The following SYT17 variants were observed in gnomAD, a reference collection of about 807,000 sequenced individuals.
The protein encoded by SYT17 is synaptotagmin-17.
Under a neutral mutation model 46.7 loss-of-function variants are expected in SYT17, and 22 were observed. The ratio of observed to expected loss-of-function variants is 0.47; its 90% CI spans 0.34 to 0.67. SYT17 has a LOEUF of 0.67. SYT17 is among the 30% of genes least tolerant of loss of function. The pLI is 0.01. For missense variants in SYT17, 519 were observed against 612.8 expected (o/e 0.85, Z 1.62); for synonymous variants, 251 against 248.4 (o/e 1.01, Z -0.10).
intron 5 of SYT17, among the ~76,000 whole-genome samples, chr16:19,196,939 G>T (rs1332307914): frequency 6.6e-6 from 1 of 152,114 alleles, no homozygotes; most frequent in Non-Finnish European, 1.5e-5. Flanking sequence ...AAACTGCCTG[G>T]AGTTACAAAC....
At position 19,224,802 on chromosome 16, in the gene SYT17, C is replaced by G. The variant is rs1966444889; in HGVS notation, c.1192C>G (p.Gln398Glu). 1 of 1,614,024 alleles carries G rather than the reference C, an allele frequency of 6.2e-7. No individual in the cohort carries two copies. The highest frequency in any genetic ancestry group is 2.2e-5 in the East Asian group (1 of 44,878). Residue 398 changes from glutamine (Q) to glutamate (E), a missense_variant, in exon 7 of 8, where the codon CAA becomes GAA. Gln to Glu is a conservative substitution (Grantham distance 29). Transcript: ENST00000355377. ...YNESFSFKVP[Q>E]EELENASLVF... ...TGAATCCTTCAGCTTCAAAGTTCCC[C>G]AAGAAGAACTGGAAAATGCCAGCCT...
chr16:19,225,645 A>C (rs1282581108), intron 7 of SYT17, among the ~76,000 whole-genome samples: 1 of 151,954 alleles, frequency 6.6e-6, no homozygotes, highest in Non-Finnish European at 1.5e-5. Flanking sequence ...CTGGGGGAGG[A>C]TCTCTTTTCA....
At chr16:19,243,627 T>C (rs950474132) in intron 7 of SYT17, among the ~76,000 whole-genome samples, 10 of 152,064 alleles carry the variant, frequency 6.6e-5, no homozygotes, top group South Asian at 4.2e-4. Context: ...CTGACCAGCC[T>C]GACCAACCTG....
chr16:19,174,930 C>G lies in SYT17; in HGVS notation c.182+1352C>G, dbSNP rs1460519564. Among the ~76,000 whole-genome samples the G allele has an allele frequency of 3.3e-5, 5 of 152,006 alleles. No individual in the cohort carries two copies. The East Asian group carries it at 9.7e-4, about 29-fold the overall frequency. ...CTCAGGATTTCGAGACCAGCCTGGG[C>G]CACATAGTGAGACCCCCCCCATGCC... On this transcript the variant is annotated intron_variant, in intron 3 of 7. Coordinates refer to ENST00000355377, the MANE Select transcript of SYT17 (RefSeq NM_016524.4).
intron 5 of SYT17, among the ~76,000 whole-genome samples, chr16:19,209,341 A>G (rs994651979): frequency 6.6e-6 from 1 of 152,206 alleles, no homozygotes; most frequent in Admixed American, 6.5e-5. Context: ...CAAATACACA[A>G]TGATCAAAAA....
chr16:19,191,370 C>G (rs915255322), intron 5 of SYT17, among the ~76,000 whole-genome samples: 1 of 152,168 alleles, frequency 6.6e-6, no homozygotes, highest in Non-Finnish European at 1.5e-5. Flanking sequence ...GATTAGCGCC[C>G]TTGTAAAGAG....
chr16:19,224,782 C>T lies in SYT17; in HGVS notation c.1172C>T (p.Ser391Phe). The T allele has an allele frequency of 6.2e-7, 1 of 1,614,106 alleles. No individual in the cohort carries two copies. ...RGTIDPFYNE[S>F]FSFKVPQEEL... ...ACAATTGATCCTTTCTACAATGAAT[C>T]CTTCAGCTTCAAAGTTCCCCAAGAA... Residue 391 changes from serine (S) to phenylalanine (F), a missense_variant, in exon 7 of 8, where the codon TCC becomes TTC. By Grantham distance (155) the Ser-to-Phe change is radical. Transcript: ENST00000355377.
chr16:19,266,814 G>C, intron 7 of SYT17, 66 bp from the exon 8 acceptor site: 1 of 1,452,986 alleles, frequency 6.9e-7, no homozygotes, highest in South Asian at 1.3e-5. Flanking sequence ...TCTTCTCCCT[G>C]CCTTCCTGTT....
intron 5 of SYT17, among the ~76,000 whole-genome samples, chr16:19,218,787 G>A (rs987488931): frequency 1.9e-4 from 29 of 152,148 alleles, no homozygotes; most frequent in Non-Finnish European, 3.4e-4. Flanking sequence ...TCCTGTAGGC[G>A]TCTCTAGAAT....
chr16:19,258,569 G>T (rs542565560), intron 7 of SYT17, among the ~76,000 whole-genome samples: 71 of 152,310 alleles, frequency 4.7e-4, no homozygotes, highest in African/African-American at 1.5e-3. Flanking sequence ...TTCAACCCGG[G>T]AGGCGGAGGT....
chr16:19,254,688 T>C lies in SYT17; in HGVS notation c.1229-12192T>C, dbSNP rs568690320. ...CTCTGTAGACAGTTTGCAGTGTACA[T>C]CTTCCCCCAAGCGATGCCAGCTTCT... On this transcript the variant is annotated intron_variant, in intron 7 of 7. Coordinates refer to ENST00000355377, the MANE Select transcript of SYT17 (RefSeq NM_016524.4). Among the ~76,000 whole-genome samples, 21 of 152,312 alleles carry C rather than the reference T, an allele frequency of 1.4e-4. No individual in the cohort carries two copies. In the South Asian group the frequency reaches 4.4e-3, roughly 32 times the overall value.
At chr16:19,210,010 G>A (rs1017377581) in intron 5 of SYT17, among the ~76,000 whole-genome samples, 1 of 152,096 alleles carries the variant, frequency 6.6e-6, no homozygotes, top group Admixed American at 6.5e-5. Flanking sequence ...CATTTATAAT[G>A]ACACTTATAA....
At chr16:19,263,955 C>A (rs1419521030) in intron 7 of SYT17, among the ~76,000 whole-genome samples, 1 of 152,164 alleles carries the variant, frequency 6.6e-6, no homozygotes, top group Non-Finnish European at 1.5e-5. Context: ...TCCTAACCCA[C>A]AAAGTGATGG....
At chr16:19,173,275 A>C in intron 2 of SYT17, 155 bp from the exon 3 acceptor site, 1 of 565,502 alleles carries the variant, frequency 1.8e-6, no homozygotes, top group Non-Finnish European at 3.1e-6. Flanking sequence ...TTTTGTTCTA[A>C]GTGCTGAGCA....
intron 5 of SYT17, among the ~76,000 whole-genome samples, chr16:19,214,574 C>T (rs1329992742): frequency 6.6e-6 from 1 of 151,994 alleles, no homozygotes; most frequent in Non-Finnish European, 1.5e-5. Context: ...CCAGGAACAC[C>T]CCAGGGACAT....
At chr16:19,203,830 T>C (rs1160447217) in intron 5 of SYT17, among the ~76,000 whole-genome samples, 1 of 152,196 alleles carries the variant, frequency 6.6e-6, no homozygotes, top group Non-Finnish European at 1.5e-5. Context: ...CCTGCCCTGC[T>C]GTGGGTGGGC....
At chr16:19,202,427 A>T (rs367951950) in intron 5 of SYT17, among the ~76,000 whole-genome samples, 2 of 152,346 alleles carry the variant, frequency 1.3e-5, no homozygotes, top group East Asian at 3.9e-4. Flanking sequence ...TGGTGCTTTC[A>T]CGCCCTCAAC....
At chr16:19,259,297 G>T (rs1404225759) in intron 7 of SYT17, among the ~76,000 whole-genome samples, 1 of 152,156 alleles carries the variant, frequency 6.6e-6, no homozygotes, top group Admixed American at 6.6e-5. Flanking sequence ...TTCCCCATAA[G>T]TTTTAAACAA....
At chr16:19,177,933 T>C (rs570011209) in intron 3 of SYT17, among the ~76,000 whole-genome samples, 1 of 152,354 alleles carries the variant, frequency 6.6e-6, no homozygotes, top group African/African-American at 2.4e-5. Flanking sequence ...ATTGGGAGTG[T>C]GTGCCATTTA....
Sources: allele counts gnomAD v4.1 joint callset (sites outside exome capture counted in the v4.1 genomes callset), GRCh38; gene constraint gnomAD v4.1.1; transcripts MANE v1.5; gene names NCBI Gene and HGNC (gene_info 2026-07-23, HGNC 2026-07-21).